ING3: variants seen among roughly 807,000 people sequenced by gnomAD.
ING3 encodes the protein inhibitor of growth protein 3.
A neutral mutation model predicts 64.8 loss-of-function variants in ING3; 6 were observed. The observed-to-expected ratio is 0.09, with a 90% CI of 0.05 to 0.18. The LOEUF (loss-of-function observed/expected upper bound fraction) is 0.18. Among genes scored for constraint, ING3 ranks in the 10% least tolerant of loss-of-function variants. The probability of loss-of-function intolerance (pLI) is 1.00; values close to 1 mark genes in which losing one functional copy is unlikely to be tolerated. For synonymous variants in ING3, 170 were observed against 173.7 expected (o/e 0.98, Z 0.17); for missense variants, 310 against 489.7 (o/e 0.63, Z 3.46).
intron 2 of ING3, among the ~76,000 whole-genome samples, chr7:120,953,088 A>G (rs1023349688): frequency 2.0e-5 from 3 of 152,192 alleles, no homozygotes; most frequent in African/African-American, 7.2e-5. Flanking sequence ...TGAAGTAACA[A>G]AAACAAAAAT....
At chr7:120,968,222 C>A in intron 8 of ING3, 131 bp downstream of exon 8, 1 of 796,352 alleles carries the variant, frequency 1.3e-6, no homozygotes, top group South Asian at 2.1e-5. Context: ...CATGATTTCA[C>A]GATATGTGAT....
At chr7:120,973,156 G>A in intron 10 of ING3, 49 bp from the exon 11 acceptor site, 1 of 974,438 alleles carries the variant, frequency 1.0e-6, no homozygotes, top group Non-Finnish European at 1.7e-6. Flanking sequence ...TTGGTATCTA[G>A]GTGTTTGTTA....
chr7:120,950,870 C>T lies in ING3; in HGVS notation c.-27C>T. 1 of 1,613,712 alleles carries T rather than the reference C, an allele frequency of 6.2e-7. No homozygotes were observed. Among genetic ancestry groups the T allele is most frequent in the Non-Finnish European group, 8.5e-7 (1 of 1,179,790 alleles). On this transcript the variant is annotated 5_prime_UTR_variant, in exon 1 of 12. Coordinates refer to ENST00000315870, the MANE Select transcript of ING3 (RefSeq NM_019071.3). ...TGACACAAATAAACCCCTGGACCCCCTTGTTCCCTCAGCTCTAAGGGCCGC... is the reference window on the plus strand; with the variant it reads ...TGACACAAATAAACCCCTGGACCCCTTTGTTCCCTCAGCTCTAAGGGCCGC...
Position 120,974,735 on chromosome 7 carries a change from T to A in ING3, c.1148T>A (p.Ile383Lys). Residue 383 changes from isoleucine to lysine, a missense_variant, in exon 12 of 12, where the codon ATA (isoleucine) becomes AAA (lysine). By Grantham distance (102) the Ile-to-Lys change is moderately radical. Around this residue, in one of 3 missense-constraint regions of ING3, gnomAD observed 24 missense variants for 84.1 expected, o/e 0.29. Coordinates refer to ENST00000315870, the MANE Select transcript of ING3 (RefSeq NM_019071.3). ...TGCAATTTTGCTTTCTAGTGCCCTATAGAATGGTTCCATTATGGCTGCGTT... is the reference window on the plus strand; with the variant it reads ...TGCAATTTTGCTTTCTAGTGCCCTAAAGAATGGTTCCATTATGGCTGCGTT... ...MVGCDNQDCP[I>K]EWFHYGCVGL... 6.2e-7 allele frequency: 1 copy of A among 1,611,958 alleles called. No individual in the cohort carries two copies. The highest frequency in any genetic ancestry group is 8.5e-7 in the Non-Finnish European group (1 of 1,178,330).
At chr7:120,964,898 A>C in intron 5 of ING3, 60 bp downstream of exon 5, 5 of 1,357,446 alleles carry the variant, frequency 3.7e-6, no homozygotes, top group Non-Finnish European at 4.2e-6. Flanking sequence ...ATCGCTGAGA[A>C]GACCTTGTCC....
Position 120,970,819 on chromosome 7 carries a change from C to T in ING3, c.1040C>T (p.Ser347Leu). 1 of 1,613,780 alleles carries T rather than the reference C, an allele frequency of 6.2e-7. No individual in the cohort carries two copies. Among genetic ancestry groups the T allele is most frequent in the East Asian group, 2.2e-5 (1 of 44,838 alleles). Reference protein sequence around the residue: ...QQTTVVPESDSNSQVDWTYDP... With the variant: ...QQTTVVPESDLNSQVDWTYDP... The stretch of plus-strand genomic sequence containing the variant: ...ACAACTGTAGTGCCAGAATCTGATT[C>T]AAATAGTCAGGTTGATTGGACTTAC... The change falls in exon 10 of 12, where the codon TCA becomes TTA. Residue 347 changes from serine (S) to leucine (L), a missense_variant. Transcript: ENST00000315870.
intron 10 of ING3, among the ~76,000 whole-genome samples, chr7:120,972,183 A>G (rs1796078605): frequency 6.6e-6 from 1 of 152,076 alleles, no homozygotes; most frequent in Admixed American, 6.6e-5. Context: ...GCCATGGATT[A>G]TATACTTAGA....
At chr7:120,967,040 G>C (rs1214485241) in intron 6 of ING3, among the ~76,000 whole-genome samples, 3 of 152,090 alleles carry the variant, frequency 2.0e-5, no homozygotes, top group Admixed American at 6.6e-5. Context: ...TTTTGTAATA[G>C]GCCCTTTGTC....
chr7:120,970,563 G>A, intron 9 of ING3, 125 bp from the exon 10 acceptor site: 1 of 942,150 alleles, frequency 1.1e-6, no homozygotes, highest in African/African-American at 1.7e-5. Flanking sequence ...GGTAAATCCG[G>A]ATTACTTTAG....
Position 120,951,251 on chromosome 7 carries a change from T to G in ING3, c.100+16T>G, listed in dbSNP as rs750273807. ...CAGGTGCAGAGTAAGTCGGCGCGTC[T>G]ACTACTCCTGTTCGCTGCGCGCGTT... On this transcript the variant is annotated intron_variant, in intron 2 of 11. Transcript: ENST00000315870. 1 of 1,613,414 alleles carries G rather than the reference T, an allele frequency of 6.2e-7. No homozygotes were observed. Among genetic ancestry groups the G allele is most frequent in the East Asian group, 2.2e-5 (1 of 44,876 alleles).
Position 120,950,857 on chromosome 7 carries a change from A to AC in ING3, c.-36dup. 1 of 1,610,154 alleles carries AC rather than the reference A, an allele frequency of 6.2e-7. No individual in the cohort carries two copies. Among genetic ancestry groups the AC allele is most frequent in the Non-Finnish European group, 8.5e-7 (1 of 1,178,412 alleles). On this transcript the variant is annotated 5_prime_UTR_variant, in exon 1 of 12. Coordinates refer to ENST00000315870, the MANE Select transcript of ING3 (RefSeq NM_019071.3). ...CGGCGACAGCGAGTGACACAAATAA[A>AC]CCCCTGGACCCCCTTGTTCCCTCAG...
At chr7:120,951,081 A>G in intron 1 of ING3, 83 bp from the exon 2 acceptor site, 2 of 1,544,716 alleles carry the variant, frequency 1.3e-6, no homozygotes, top group Non-Finnish European at 1.8e-6. Context: ...GGCCCCCTCG[A>G]CCCCCCTGAC....
intron 1 of ING3, 29 bp from the exon 2 acceptor site, chr7:120,951,135 G>GC (rs778984071): frequency 1.2e-6 from 2 of 1,611,762 alleles, no homozygotes; most frequent in Non-Finnish European, 1.7e-6. Context: ...CGTTGGCCCC[G>GC]CCCCTCTGAC....
intron 4 of ING3, among the ~76,000 whole-genome samples, chr7:120,958,797 C>T (rs1261884010): frequency 1.3e-5 from 2 of 152,232 alleles, no homozygotes; most frequent in African/African-American, 2.4e-5. Context: ...CTCAGGCAAT[C>T]TAATATAAAT....
chr7:120,956,126 A>G (rs1341582915), intron 4 of ING3: 1 of 1,450,766 alleles, frequency 6.9e-7, no homozygotes. Context: ...GCAATACAAG[A>G]TGACAAACTT....
intron 4 of ING3, among the ~76,000 whole-genome samples, chr7:120,964,115 A>G (rs1475123612): frequency 2.6e-5 from 4 of 152,172 alleles, no homozygotes; most frequent in Non-Finnish European, 4.4e-5. Flanking sequence ...CAAGTTAACT[A>G]GGGAAATAGT....
At chr7:120,954,818 A>C (rs1795821854) in intron 3 of ING3, among the ~76,000 whole-genome samples, 1 of 152,226 alleles carries the variant, frequency 6.6e-6, no homozygotes, top group Non-Finnish European at 1.5e-5. Context: ...TATATACCTA[A>C]TTTAAAGTGG....
chr7:120,956,215 C>A (rs376611203), intron 4 of ING3: 50 of 1,602,652 alleles, frequency 3.1e-5, no homozygotes, highest in Non-Finnish European at 4.0e-5. Context: ...TTCACTATTT[C>A]TCATATTGAT....
intron 10 of ING3, among the ~76,000 whole-genome samples, chr7:120,971,417 G>A (rs917937934): frequency 1.3e-5 from 2 of 152,126 alleles, no homozygotes; most frequent in African/African-American, 4.8e-5. Context: ...CCTCCTCACA[G>A]GCCCTGTTTC....
Sources: allele counts gnomAD v4.1 joint callset (sites outside exome capture counted in the v4.1 genomes callset), GRCh38; gene constraint gnomAD v4.1.1; regional missense constraint gnomAD v4.1.1; transcripts MANE v1.5; gene names NCBI Gene and HGNC (gene_info 2026-07-23, HGNC 2026-07-21).